PRC1: variants seen among roughly 807,000 people sequenced by gnomAD.
PRC1 encodes anaphase spindle elongation 1 homolog.
In PRC1, 54 loss-of-function variants were observed where a neutral mutation model predicts 91.2. That is an observed-to-expected ratio of 0.59 (90% CI 0.48 to 0.74). The LOEUF (loss-of-function observed/expected upper bound fraction) is 0.74, where lower values mean the gene tolerates loss of function less well. Among genes scored for constraint, PRC1 ranks in the 30% least tolerant of loss-of-function variants. The pLI, the probability that PRC1 is intolerant of heterozygous loss-of-function variation, is 0.00. For missense variants in PRC1, 727 were observed against 746.2 expected (o/e 0.97, Z 0.30); for synonymous variants, 275 against 263.6 (o/e 1.04, Z -0.42).
intron 1 of PRC1, chr15:90,988,129 A>G (rs973354266): frequency 6.6e-6 from 1 of 152,176 alleles, no homozygotes; most frequent in Non-Finnish European, 1.5e-5. Flanking sequence ...AATCTCAACT[A>G]AAGTCCAACT....
intron 1 of PRC1, among the ~76,000 whole-genome samples, chr15:90,994,065 C>T (rs1485499080): frequency 3.3e-5 from 5 of 152,054 alleles, no homozygotes; most frequent in African/African-American, 2.4e-5. Context: ...GGGTGGGGTC[C>T]GAGCGCCAGC....
chr15:90,986,836 A>T (rs1426377099), intron 1 of PRC1, among the ~76,000 whole-genome samples: 2 of 151,258 alleles, frequency 1.3e-5, no homozygotes, highest in Non-Finnish European at 2.9e-5. Context: ...AAATCTTTTC[A>T]TTTTTTTAAT....
Position 90,968,237 on chromosome 15 carries a change from G to C in PRC1, c.1791+842C>G. On this transcript the variant is annotated intron_variant, in intron 14 of 14. Coordinates refer to ENST00000394249, the MANE Select transcript of PRC1 (RefSeq NM_003981.4). ...GACCTCTGTCCAGCAATCAGCCAGAGTGACACACACCCACTTTTAAAGGTA... is the reference window on the plus strand; with the variant it reads ...GACCTCTGTCCAGCAATCAGCCAGACTGACACACACCCACTTTTAAAGGTA... 5 of 985,434 alleles carry C rather than the reference G, an allele frequency of 5.1e-6. No homozygotes were observed. In the South Asian group the frequency reaches 1.4e-4, roughly 28 times the overall value. The allele number at this position is 985,434 out of a possible 1,614,324, so 61.0% of individuals were successfully genotyped here.
In PRC1 at chr15:90,981,967, C is replaced by T. The variant is rs2301826; in HGVS notation, c.282G>A (p.Thr94=). Residue 94 remains threonine (T), a synonymous_variant, in exon 4 of 15, where the codon ACG becomes ACA. Transcript: ENST00000394249. ...AATCTTTTTCTAGTTGCAAGATGGT[C>T]GTCTCTCCTTCTTCCTGAATAAGAC... ...HVEPFQEEGE[T]TILQLEKDLR... 402,614 of 1,612,876 alleles carry T rather than the reference C, an allele frequency of 0.25. 62,470 individuals are homozygous for T. The highest frequency in any genetic ancestry group is 0.7 in the African/African-American group (52,441 of 74,894).
chr15:90,974,259 CAG>C lies in PRC1; in HGVS notation c.1351-15_1351-14del, dbSNP rs1355828538. The C allele has an allele frequency of 3.1e-6, 5 of 1,594,766 alleles. No individual in the cohort carries two copies. The highest frequency in any genetic ancestry group is 4.3e-6 in the Non-Finnish European group (5 of 1,162,650). ...TGTTCTTCAGTTGCTGTGTGAAAGT[CAG>C]AAGCAACAGTGATAAATCTCAGGAA... On this transcript the variant is annotated splice_polypyrimidine_tract_variant and intron_variant, in intron 10 of 14. Transcript: ENST00000394249. The surrounding 1 kb of genome is among the most constrained non-coding windows in gnomAD (Gnocchi z 4.6).
Position 90,974,530 on chromosome 15 carries a change from C to G in PRC1, c.1350+55G>C. On this transcript the variant is annotated intron_variant, in intron 10 of 14. Coordinates refer to ENST00000394249, the MANE Select transcript of PRC1 (RefSeq NM_003981.4). This position sits in a 1 kb window ranked among gnomAD's most constrained non-coding sequence, Gnocchi z 4.6. Reference sequence around the variant, plus strand: ...CCTGGTCCCCGGCAGAGACTATGGGCTGCTCAGATTACTTTCTTCGTCTTT... The same window carrying G: ...CCTGGTCCCCGGCAGAGACTATGGGGTGCTCAGATTACTTTCTTCGTCTTT... 6.2e-7 allele frequency: 1 copy of G among 1,608,252 alleles called. No homozygotes were observed. Among genetic ancestry groups the G allele is most frequent in the South Asian group, 1.1e-5 (1 of 90,840 alleles).
rs769661464 is a variant in PRC1 at position 90,974,800 on chromosome 15, C to T, written c.1204-69G>A. The T allele has an allele frequency of 1.9e-5, 30 of 1,567,994 alleles. No individual in the cohort carries two copies. Among genetic ancestry groups the T allele is most frequent in the Non-Finnish European group, 2.4e-5 (28 of 1,143,350 alleles). ...GTGCAAAGCCCAAATGAAATGATTTCCCTAGAGAGTGACTCCTCCTCCCCA... is the reference window on the plus strand; with the variant it reads ...GTGCAAAGCCCAAATGAAATGATTTTCCTAGAGAGTGACTCCTCCTCCCCA... On this transcript the variant is annotated intron_variant, in intron 9 of 14. Transcript: ENST00000394249. This position sits in a 1 kb window ranked among gnomAD's most constrained non-coding sequence, Gnocchi z 4.6.
At chr15:90,982,958 T>C (rs1179403047) in intron 3 of PRC1, among the ~76,000 whole-genome samples, 1 of 152,132 alleles carries the variant, frequency 6.6e-6, no homozygotes, top group Non-Finnish European at 1.5e-5. Context: ...ATAGGACATA[T>C]ACATTTTTCT....
intron 1 of PRC1, among the ~76,000 whole-genome samples, chr15:90,989,605 G>T (rs2039837566): frequency 6.7e-6 from 1 of 149,910 alleles, no homozygotes; most frequent in Admixed American, 6.7e-5. Context: ...TTGCCCAAAA[G>T]AAATGAAAAC....
chr15:90,968,296 G>A (rs1257087972), intron 14 of PRC1: 29 of 985,450 alleles, frequency 2.9e-5, no homozygotes, highest in Non-Finnish European at 3.5e-5. Context: ...TGAAAAACAT[G>A]CTGGAGTAGG....
intron 3 of PRC1, among the ~76,000 whole-genome samples, chr15:90,983,477 T>G (rs551405222): frequency 6.6e-6 from 1 of 152,322 alleles, no homozygotes; most frequent in East Asian, 1.9e-4. Flanking sequence ...TAGCCACTTC[T>G]CAGCTCCATA....
intron 11 of PRC1, among the ~76,000 whole-genome samples, chr15:90,971,965 T>C (rs1292195133): frequency 6.6e-6 from 1 of 151,822 alleles, no homozygotes; most frequent in Non-Finnish European, 1.5e-5. Flanking sequence ...GAGGTGTAGG[T>C]TGCAGTGAGC....
chr15:90,979,881 A>G (rs896216642), intron 7 of PRC1, among the ~76,000 whole-genome samples: 3 of 152,238 alleles, frequency 2.0e-5, no homozygotes, highest in Non-Finnish European at 4.4e-5. Flanking sequence ...CACCTGATAA[A>G]AACTTAAGCT....
In PRC1 at chr15:90,984,153, A is replaced by G. The variant is rs145590323; in HGVS notation, c.145-13T>C. 134 of 1,613,850 alleles carry G rather than the reference A, an allele frequency of 8.3e-5. 1 individual carries two copies. In the African/African-American group the frequency reaches 1.5e-3, roughly 18 times the overall value. Reference sequence around the variant, plus strand: ...TATCCAGGAGTTCCTACAAGAGGGAAAACAGTCCATAAGTTTGGGGCAATG... The same window carrying G: ...TATCCAGGAGTTCCTACAAGAGGGAGAACAGTCCATAAGTTTGGGGCAATG... On this transcript the variant is annotated splice_polypyrimidine_tract_variant and intron_variant, in intron 2 of 14. Transcript: ENST00000394249. This position sits in a 1 kb window ranked among gnomAD's most constrained non-coding sequence, Gnocchi z 5.1.
chr15:90,981,171 C>G (rs2039165781), intron 5 of PRC1, 138 bp from the exon 6 acceptor site: 1 of 1,142,378 alleles, frequency 8.8e-7, no homozygotes, highest in African/African-American at 1.6e-5. Flanking sequence ...TTTCATGCCT[C>G]CTAAACACGA....
intron 1 of PRC1, among the ~76,000 whole-genome samples, chr15:90,993,339 G>A (rs945245755): frequency 6.0e-5 from 9 of 150,846 alleles, no homozygotes; most frequent in Non-Finnish European, 8.8e-5. Flanking sequence ...CTCCTGAAAA[G>A]CTGGGGGTAC....
At chr15:90,993,960 A>G (rs940641063) in intron 1 of PRC1, among the ~76,000 whole-genome samples, 1 of 152,206 alleles carries the variant, frequency 6.6e-6, no homozygotes, top group East Asian at 1.9e-4. Flanking sequence ...AACGATAAAT[A>G]AACTTAACAG....
rs59697718 is a variant in PRC1, at chr15:90,967,486, G to A, written c.1792-284C>T. ...GAAATCCTTCATACAGTCATGCACTGCATAATGATGTTTCAGTTAACGACA... is the reference window on the plus strand; with the variant it reads ...GAAATCCTTCATACAGTCATGCACTACATAATGATGTTTCAGTTAACGACA... On this transcript the variant is annotated intron_variant, in intron 14 of 14. Transcript: ENST00000394249. The A allele has an allele frequency of 8.8e-3, 3,305 of 377,150 alleles. 85 individuals are homozygous for A. Among genetic ancestry groups the A allele is most frequent in the African/African-American group, 0.057 (2,763 of 48,722 alleles). 23.4% of individuals were successfully genotyped at this position (377,150 alleles called of 1,614,324 possible).
Position 90,974,530 on chromosome 15 carries a change from C to CT in PRC1, c.1350+54dup. On this transcript the variant is annotated intron_variant, in intron 10 of 14. Coordinates refer to ENST00000394249, the MANE Select transcript of PRC1 (RefSeq NM_003981.4). This position sits in a 1 kb window ranked among gnomAD's most constrained non-coding sequence, Gnocchi z 4.6. ...CCTGGTCCCCGGCAGAGACTATGGG[C>CT]TGCTCAGATTACTTTCTTCGTCTTT... is the stretch of plus-strand genomic sequence containing the variant. The CT allele has an allele frequency of 6.2e-7, 1 of 1,608,252 alleles. No individual in the cohort carries two copies. The highest frequency in any genetic ancestry group is 1.1e-5 in the South Asian group (1 of 90,840).
Sources: allele counts gnomAD v4.1 joint callset (sites outside exome capture counted in the v4.1 genomes callset), GRCh38; gene constraint gnomAD v4.1.1; non-coding constraint Gnocchi (gnomAD v3.1); transcripts MANE v1.5; gene names NCBI Gene and HGNC (gene_info 2026-07-23, HGNC 2026-07-21).